Variants in DLGAP2 observed in about 807,000 individuals in gnomAD.
DLGAP2 encodes the protein disks large-associated protein 2.
A neutral mutation model predicts 100.3 loss-of-function variants in DLGAP2; 26 were observed. The observed-to-expected ratio is 0.26, with a 90% CI of 0.19 to 0.36. DLGAP2 has a LOEUF of 0.36. DLGAP2 is among the 10% of genes least tolerant of loss of function. DLGAP2 has a pLI of 1.00. For missense variants in DLGAP2, 1,858 were observed against 1,453.2 expected, an observed-to-expected ratio of 1.28 and a Z score of -4.53; for synonymous variants, 886 against 630.1, an observed-to-expected ratio of 1.41 and a Z score of -6.08.
intron 1 of DLGAP2, among the ~76,000 whole-genome samples, chr8:832,056 G>T (rs999998455): frequency 6.6e-6 from 1 of 152,134 alleles, no homozygotes; most frequent in African/African-American, 2.4e-5. Flanking sequence ...TTTTGATGGG[G>T]TTGTTTGTTT....
At chr8:785,116 C>G (rs1019430546) in intron 1 of DLGAP2, among the ~76,000 whole-genome samples, 3 of 146,458 alleles carry the variant, frequency 2.0e-5, no homozygotes, top group African/African-American at 7.7e-5. Context: ...ACTAGGGAGG[C>G]TGAGGCAGGA....
At chr8:1,542,809 C>T (rs971618673) in intron 4 of DLGAP2, among the ~76,000 whole-genome samples, 3 of 152,138 alleles carry the variant, frequency 2.0e-5, no homozygotes, top group African/African-American at 7.2e-5. Context: ...TTTTAGGACC[C>T]TCCAGCCTGT....
chr8:1,648,350 G>C (rs1029323434), intron 8 of DLGAP2, among the ~76,000 whole-genome samples: 2 of 152,156 alleles, frequency 1.3e-5, no homozygotes, highest in Non-Finnish European at 2.9e-5. Context: ...ATGTGGACAT[G>C]ATTCAATTAT....
intron 3 of DLGAP2, among the ~76,000 whole-genome samples, chr8:1,409,142 C>T (rs1223546975): frequency 2.2e-5 from 2 of 89,030 alleles, no homozygotes. Flanking sequence ...CCCGGCTCCC[C>T]TTGGACCACT....
intron 5 of DLGAP2, 93 bp downstream of exon 5, chr8:1,549,776 C>T: frequency 7.7e-7 from 1 of 1,306,640 alleles, no homozygotes; most frequent in Non-Finnish European, 1.0e-6. Context: ...CAACTGCATA[C>T]ACATTTAGGT....
At chr8:750,466 T>G (rs568980894) in intron 1 of DLGAP2, among the ~76,000 whole-genome samples, 1 of 152,156 alleles carries the variant, frequency 6.6e-6, no homozygotes, top group South Asian at 2.1e-4. Flanking sequence ...AATATAAGGG[T>G]TTTCCTGAGT....
At chr8:1,225,854 C>T (rs1798403176) in intron 2 of DLGAP2, among the ~76,000 whole-genome samples, 1 of 152,022 alleles carries the variant, frequency 6.6e-6, no homozygotes, top group African/African-American at 2.4e-5. Flanking sequence ...TCAGTTCACA[C>T]CACAAAAAAG....
chr8:1,453,859 C>T (rs1181192167), intron 3 of DLGAP2, among the ~76,000 whole-genome samples: 2 of 152,242 alleles, frequency 1.3e-5, no homozygotes, highest in Non-Finnish European at 1.5e-5. Context: ...ACTTTGATTT[C>T]AGTCTCCATG....
intron 2 of DLGAP2, among the ~76,000 whole-genome samples, chr8:1,226,608 C>T (rs762785379): frequency 6.6e-5 from 10 of 152,132 alleles, no homozygotes; most frequent in South Asian, 2.1e-4. Context: ...GTACATGTAT[C>T]CTGGAACTGA....
intron 3 of DLGAP2, among the ~76,000 whole-genome samples, chr8:1,497,601 G>A (rs937819280): frequency 6.6e-5 from 10 of 152,208 alleles, no homozygotes; most frequent in East Asian, 3.9e-4. Context: ...TTCTGAGGTC[G>A]CTGAGATGGT....
At chr8:1,162,107 C>A (rs1042816291) in intron 2 of DLGAP2, among the ~76,000 whole-genome samples, 1 of 152,210 alleles carries the variant, frequency 6.6e-6, no homozygotes, top group African/African-American at 2.4e-5. Flanking sequence ...GCCCGTAAGC[C>A]CGTGGGGCAG....
chr8:980,774 C>A (rs573508252), intron 2 of DLGAP2, among the ~76,000 whole-genome samples: 1 of 151,934 alleles, frequency 6.6e-6, no homozygotes, highest in East Asian at 1.9e-4. Context: ...AATGGGGGCT[C>A]GACAGGTGGC....
intron 3 of DLGAP2, among the ~76,000 whole-genome samples, chr8:1,418,709 C>G (rs1476164771): frequency 6.6e-6 from 1 of 152,142 alleles, no homozygotes; most frequent in Non-Finnish European, 1.5e-5. Flanking sequence ...TGTATATTTT[C>G]CCATGCACCG....
intron 1 of DLGAP2, among the ~76,000 whole-genome samples, chr8:789,155 G>T (rs148534393): frequency 2.0e-5 from 3 of 152,118 alleles, no homozygotes; most frequent in South Asian, 2.1e-4. Flanking sequence ...TTCTGTTCCC[G>T]TTACCATGTT....
chr8:1,238,570 A>G (rs1232267233), intron 2 of DLGAP2, among the ~76,000 whole-genome samples: 1 of 77,846 alleles, frequency 1.3e-5, no homozygotes, highest in African/African-American at 5.2e-5. Flanking sequence ...GTTCTCTCCC[A>G]TGGCGCCGTG....
At chr8:1,287,816 A>G (rs1799974860) in intron 3 of DLGAP2, among the ~76,000 whole-genome samples, 7 of 95,412 alleles carry the variant, frequency 7.3e-5, no homozygotes, top group African/African-American at 1.8e-4. Flanking sequence ...TTAGGACGGG[A>G]ACTAGTTTTG....
At chr8:1,431,344 C>T (rs929094278) in intron 3 of DLGAP2, among the ~76,000 whole-genome samples, 1 of 152,224 alleles carries the variant, frequency 6.6e-6, no homozygotes, top group Non-Finnish European at 1.5e-5. Flanking sequence ...GGGCTTTATT[C>T]ATCTGTTCAT....
chr8:1,247,155 T>C, intron 2 of DLGAP2: 1 of 172,152 alleles, frequency 5.8e-6, no homozygotes. Flanking sequence ...GGGAAGACCT[T>C]TGAGATCAGT....
Position 893,372 on chromosome 8 carries a change from C to T in DLGAP2, c.19-14540C>T, listed in dbSNP as rs1381747522. 2.0e-5 allele frequency among the ~76,000 whole-genome samples: 3 copies of T among 152,306 alleles called. No individual in the cohort carries two copies. The East Asian group carries it at 5.8e-4, about 29-fold the overall frequency. On this transcript the variant is annotated intron_variant, in intron 1 of 14. Coordinates refer to ENST00000637795, the MANE Select transcript of DLGAP2 (RefSeq NM_001346810.2). The stretch of plus-strand genomic sequence containing the variant: ...TTTGACCCTGCCAGGATGACCAATT[C>T]GATGAGGCTGCCCTGTGATTCATCT...
Sources: allele counts gnomAD v4.1 joint callset (sites outside exome capture counted in the v4.1 genomes callset), GRCh38; gene constraint gnomAD v4.1.1; transcripts MANE v1.5; gene names NCBI Gene and HGNC (gene_info 2026-07-23, HGNC 2026-07-21).